Variants in CTNNA2 observed in about 807,000 individuals in gnomAD.
CTNNA2 encodes catenin alpha 2, also known as catenin alpha-2.
In CTNNA2, 42 loss-of-function variants were observed where a neutral mutation model predicts 101.0. The observed-to-expected ratio is 0.42, with a 90% CI of 0.32 to 0.54. CTNNA2 has a LOEUF of 0.54. Among genes scored for constraint, CTNNA2 ranks in the 20% least tolerant of loss-of-function variants. CTNNA2 has a pLI of 0.14. For missense variants in CTNNA2, 871 were observed against 1,223.1 expected (o/e 0.71, Z 4.29); for synonymous variants, 450 against 456.4 (o/e 0.99, Z 0.18).
intron 3 of CTNNA2, among the ~76,000 whole-genome samples, chr2:79,354,459 G>C (rs1415308879): frequency 6.6e-6 from 1 of 152,046 alleles, no homozygotes; most frequent in Admixed American, 6.6e-5. Flanking sequence ...TCTCAGCTTG[G>C]TGTATTCTAT....
At chr2:79,710,242 A>G (rs933945647) in intron 2 of CTNNA2, among the ~76,000 whole-genome samples, 1 of 152,134 alleles carries the variant, frequency 6.6e-6, no homozygotes, top group African/African-American at 2.4e-5. Flanking sequence ...TTGCCTTATC[A>G]TATGAAGATG....
intron 7 of CTNNA2, among the ~76,000 whole-genome samples, chr2:80,186,589 T>C (rs1007774528): frequency 6.6e-6 from 1 of 152,222 alleles, no homozygotes; most frequent in Non-Finnish European, 1.5e-5. Flanking sequence ...GTTTGTATTT[T>C]AGCCTGATAA....
At chr2:79,393,990 A>G (rs186634976) in intron 4 of CTNNA2, among the ~76,000 whole-genome samples, 1 of 152,150 alleles carries the variant, frequency 6.6e-6, no homozygotes, top group African/African-American at 2.4e-5. Context: ...AATTGCTGAC[A>G]GGAATCCCAT....
chr2:79,984,082 A>G (rs1025074625), intron 7 of CTNNA2, among the ~76,000 whole-genome samples: 1 of 152,192 alleles, frequency 6.6e-6, no homozygotes, highest in African/African-American at 2.4e-5. Flanking sequence ...TATTATGAAG[A>G]CTTGCTACAC....
chr2:79,818,964 T>C, intron 3 of CTNNA2, among the ~76,000 whole-genome samples: 1 of 142,284 alleles, frequency 7.0e-6, no homozygotes. Flanking sequence ...CTGTTTCTCC[T>C]CCATATTCTT....
intron 7 of CTNNA2, among the ~76,000 whole-genome samples, chr2:80,216,811 G>C (rs181696377): frequency 6.6e-6 from 1 of 151,530 alleles, no homozygotes; most frequent in East Asian, 1.9e-4. Context: ...ATATTTCTCC[G>C]GGGCCTGACT....
At chr2:79,197,115 A>G (rs1378796717) in intron 1 of CTNNA2, among the ~76,000 whole-genome samples, 1 of 152,190 alleles carries the variant, frequency 6.6e-6, no homozygotes, top group Non-Finnish European at 1.5e-5. Flanking sequence ...GAAAATTACA[A>G]TATTATCTCT....
At chr2:79,801,962 A>G (rs1317049142) in intron 3 of CTNNA2, among the ~76,000 whole-genome samples, 1 of 145,016 alleles carries the variant, frequency 6.9e-6, no homozygotes, top group Non-Finnish European at 1.5e-5. Context: ...ATTGCACTCT[A>G]GCCTGGGCAA....
intron 7 of CTNNA2, among the ~76,000 whole-genome samples, chr2:80,203,851 A>C (rs1368595505): frequency 6.6e-6 from 1 of 152,162 alleles, no homozygotes; most frequent in Non-Finnish European, 1.5e-5. Context: ...CCCTGCAACA[A>C]ACTTCTGCCT....
intron 1 of CTNNA2, among the ~76,000 whole-genome samples, chr2:79,580,906 A>G (rs1330963642): frequency 6.6e-6 from 1 of 152,254 alleles, no homozygotes; most frequent in East Asian, 1.9e-4. Context: ...AAATTCATTT[A>G]TAGCTTTGCA....
chr2:79,412,928 C>G (rs1026108237), intron 4 of CTNNA2, among the ~76,000 whole-genome samples: 1 of 152,072 alleles, frequency 6.6e-6, no homozygotes, highest in South Asian at 2.1e-4. Flanking sequence ...AGGTCAACCA[C>G]TCTTTTAGTA....
At chr2:79,643,292 T>A (rs1680581822) in intron 1 of CTNNA2, among the ~76,000 whole-genome samples, 1 of 152,232 alleles carries the variant, frequency 6.6e-6, no homozygotes, top group Admixed American at 6.5e-5. Flanking sequence ...TTGTTCTTAC[T>A]GGTCATCTGG....
chr2:79,703,294 G>A (rs1238822965), intron 2 of CTNNA2, among the ~76,000 whole-genome samples: 3 of 152,204 alleles, frequency 2.0e-5, no homozygotes, highest in African/African-American at 7.2e-5. Context: ...GACATTAGTA[G>A]CTTAAAAGAT....
intron 7 of CTNNA2, among the ~76,000 whole-genome samples, chr2:80,136,956 C>T (rs1702730703): frequency 6.6e-6 from 1 of 152,148 alleles, no homozygotes; most frequent in Non-Finnish European, 1.5e-5. Context: ...CATTGCCTCC[C>T]TCCGTACAAC....
intron 2 of CTNNA2, among the ~76,000 whole-genome samples, chr2:79,263,182 A>C (rs1336343133): frequency 1.3e-5 from 2 of 152,156 alleles, no homozygotes; most frequent in East Asian, 3.9e-4. Context: ...GATATGGTTT[A>C]GATATTTTGT....
In CTNNA2 at chr2:80,545,973, G is replaced by T; in HGVS notation, c.1450G>T (p.Val484Phe). ...CAAAGTTGCTCAGGATAACATGGAC[G>T]TCTTCAAAGACCAGTGGGAGAAGCA... ...QSKVAQDNMD[V>F]FKDQWEKQVR... is the part of the protein sequence containing the mutation. Residue 484 changes from valine to phenylalanine, a missense_variant, in exon 11 of 19, where the codon GTC becomes TTC. Coordinates refer to ENST00000402739, the MANE Select transcript of CTNNA2 (RefSeq NM_001282597.3). 1 of 1,614,112 alleles carries T rather than the reference G, an allele frequency of 6.2e-7. No individual in the cohort carries two copies. Among genetic ancestry groups the T allele is most frequent in the Non-Finnish European group, 8.5e-7 (1 of 1,180,012 alleles).
chr2:79,867,045 T>G (rs1488289974), intron 4 of CTNNA2, among the ~76,000 whole-genome samples: 1 of 152,128 alleles, frequency 6.6e-6, no homozygotes, highest in Non-Finnish European at 1.5e-5. Flanking sequence ...CAGACAGGTG[T>G]ATCTTGGTTA....
At chr2:79,678,554 A>G (rs1243810377) in intron 2 of CTNNA2, among the ~76,000 whole-genome samples, 3 of 151,866 alleles carry the variant, frequency 2.0e-5, no homozygotes, top group African/African-American at 7.2e-5. Flanking sequence ...AAAAAAAAAA[A>G]AAAGAAAAAG....
chr2:79,584,871 A>G (rs1676381314), intron 1 of CTNNA2, among the ~76,000 whole-genome samples: 2 of 152,178 alleles, frequency 1.3e-5, no homozygotes, highest in South Asian at 4.1e-4. Flanking sequence ...GGCTCTGTGT[A>G]TGCACCAGTC....
Sources: gnomAD v4.1 joint callset for allele counts (sites outside exome capture counted in the v4.1 genomes callset) on GRCh38, gnomAD v4.1.1 for gene constraint, MANE v1.5 for transcripts, NCBI Gene and HGNC (gene_info 2026-07-23, HGNC 2026-07-21) for gene names.